FRAS1: variants seen among roughly 807,000 people sequenced by gnomAD.
The protein encoded by FRAS1 is Fraser extracellular matrix complex subunit 1, also known as extracellular matrix organizing protein FRAS1.
Under a neutral mutation model 435.2 loss-of-function variants are expected in FRAS1, and 290 were observed. The ratio of observed to expected loss-of-function variants is 0.67; its 90% CI spans 0.61 to 0.73. FRAS1 has a LOEUF of 0.73. FRAS1 is among the 30% of genes least tolerant of loss of function. The probability of loss-of-function intolerance (pLI) is 0.00; values close to 1 mark genes in which losing one functional copy is unlikely to be tolerated. For synonymous variants in FRAS1, 1,800 were observed against 1,851.0 expected (o/e 0.97, Z 0.71); for missense variants, 4,860 against 5,001.5 (o/e 0.97, Z 0.85).
chr4:78,400,652 A>G (rs966103987), intron 29 of FRAS1, 82 bp from the exon 30 acceptor site: 3 of 1,368,196 alleles, frequency 2.2e-6, no homozygotes, highest in African/African-American at 1.5e-5. Flanking sequence ...TAACAACAAC[A>G]GAACTGGATA....
intron 2 of FRAS1, among the ~76,000 whole-genome samples, chr4:78,193,707 G>T (rs1189791521): frequency 6.6e-6 from 1 of 152,058 alleles, no homozygotes; most frequent in Non-Finnish European, 1.5e-5. Flanking sequence ...CACACTGATG[G>T]GTCTTGACTC....
At chr4:78,427,887 T>A (rs2110382840) in intron 35 of FRAS1, among the ~76,000 whole-genome samples, 1 of 152,362 alleles carries the variant, frequency 6.6e-6, no homozygotes, top group Admixed American at 6.5e-5. Flanking sequence ...TTAAGCAAGA[T>A]TCTTGCTGGC....
At chr4:78,294,853 C>A (rs1728076092) in intron 14 of FRAS1, among the ~76,000 whole-genome samples, 1 of 149,202 alleles carries the variant, frequency 6.7e-6, no homozygotes, top group East Asian at 2.0e-4. Context: ...ATGTTTATTC[C>A]AAAAAAAAAT....
At chr4:78,088,768 G>A (rs1213188681) in intron 2 of FRAS1, among the ~76,000 whole-genome samples, 1 of 152,166 alleles carries the variant, frequency 6.6e-6, no homozygotes, top group Non-Finnish European at 1.5e-5. Context: ...TCATTAAAAA[G>A]TTAGGAAACC....
At chr4:78,098,505 C>T (rs1047096291) in intron 2 of FRAS1, among the ~76,000 whole-genome samples, 2 of 152,044 alleles carry the variant, frequency 1.3e-5, no homozygotes, top group East Asian at 1.9e-4. Flanking sequence ...GAGCTCCTGA[C>T]CTCAAGTTAT....
At chr4:78,152,291 C>A (rs138246142) in intron 2 of FRAS1, among the ~76,000 whole-genome samples, 1 of 152,200 alleles carries the variant, frequency 6.6e-6, no homozygotes, top group African/African-American at 2.4e-5. Flanking sequence ...TCTTAAGGCA[C>A]TTTTCCTGCC....
chr4:78,272,351 A>G (rs373407249), intron 9 of FRAS1, among the ~76,000 whole-genome samples: 3 of 152,162 alleles, frequency 2.0e-5, no homozygotes, highest in Non-Finnish European at 4.4e-5. Flanking sequence ...TTTTGTTGCC[A>G]TTGCTTTTGG....
At chr4:78,501,172 T>C (rs1258450271) in intron 61 of FRAS1, among the ~76,000 whole-genome samples, 1 of 152,102 alleles carries the variant, frequency 6.6e-6, no homozygotes, top group Non-Finnish European at 1.5e-5. Flanking sequence ...TGTGTCCAAG[T>C]GTTCTCATTG....
chr4:78,338,028 A>C, intron 20 of FRAS1: 1 of 526,100 alleles, frequency 1.9e-6, no homozygotes, highest in Non-Finnish European at 3.4e-6. Context: ...ACTCTTGCAA[A>C]TCCTGAAAAT....
chr4:78,458,010 G>A (rs1719258147), intron 47 of FRAS1, among the ~76,000 whole-genome samples: 1 of 152,172 alleles, frequency 6.6e-6, no homozygotes, highest in Non-Finnish European at 1.5e-5. Context: ...GTGTGGCTTG[G>A]ACAGATAATA....
chr4:78,392,972 G>A, intron 29 of FRAS1, among the ~76,000 whole-genome samples: 1 of 147,504 alleles, frequency 6.8e-6, no homozygotes, highest in East Asian at 2.0e-4. Flanking sequence ...AAACAAACAT[G>A]TTCATCATGA....
rs12510594 is a variant in FRAS1 at position 78,129,821 on chromosome 4, C to T, written c.108+63805C>T. Among the ~76,000 whole-genome samples the T allele has an allele frequency of 5.3e-3, 802 of 152,214 alleles. 41 individuals carry two copies. Among genetic ancestry groups the T allele is most frequent in the Admixed American group, 0.046 (696 of 15,276 alleles). ...ATTCCTTAGCTTGTTTGCCAAGACC[C>T]ATTCTAATCTAGTTTCTTCCCAACT... On this transcript the variant is annotated intron_variant, in intron 2 of 73. Coordinates refer to ENST00000512123, the MANE Select transcript of FRAS1 (RefSeq NM_025074.7).
At position 78,058,103 on chromosome 4, in the gene FRAS1, C is replaced by CGTGTGTGTGTGTGTGT; in HGVS notation, c.76+20_76+35dup. On this transcript the variant is annotated intron_variant, in intron 1 of 73. Transcript: ENST00000512123. The stretch of plus-strand genomic sequence containing the variant: ...TTCCGAAGGTGAGAGAGCGGTGCCG[C>CGTGTGTGTGTGTGTGT]GTGTGTGTGTGTGTGTGCGTGTGCG... 6.5e-7 allele frequency: 1 copy of CGTGTGTGTGTGTGTGT among 1,528,910 alleles called. No individual in the cohort carries two copies. The highest frequency in any genetic ancestry group is 1.4e-5 in the African/African-American group (1 of 72,318). 94.7% of individuals were successfully genotyped at this position (1,528,910 alleles called of 1,614,324 possible).
intron 2 of FRAS1, among the ~76,000 whole-genome samples, chr4:78,222,538 A>G (rs952841966): frequency 6.6e-6 from 1 of 152,246 alleles, no homozygotes; most frequent in Non-Finnish European, 1.5e-5. Context: ...CGATGCTAAT[A>G]AGTCCCAGCT....
At chr4:78,384,300 T>G (rs918267848) in intron 28 of FRAS1, among the ~76,000 whole-genome samples, 157 bp downstream of exon 28, 3 of 152,218 alleles carry the variant, frequency 2.0e-5, no homozygotes, top group African/African-American at 7.2e-5. Flanking sequence ...TTAGGACTTC[T>G]GGGTAATAAC....
At chr4:78,481,520 G>T (rs1172190734) in intron 56 of FRAS1, among the ~76,000 whole-genome samples, 1 of 152,126 alleles carries the variant, frequency 6.6e-6, no homozygotes, top group African/African-American at 2.4e-5. Context: ...AGTCTCCCTT[G>T]TGAAGCCACA....
At chr4:78,252,985 A>C (rs11098114) in intron 5 of FRAS1, among the ~76,000 whole-genome samples, 139,067 of 152,096 alleles carry the variant, frequency 0.91, 64,708 homozygotes, top group Non-Finnish European at 1. Context: ...GGTCTGACCA[A>C]AATTTACCGG....
chr4:78,544,103 A>T lies in FRAS1; in HGVS notation c.*2979A>T, dbSNP rs573165799. ...TATTTGTTATTCTTGGATACTACAC[A>T]CCTGCTCAGACTGAGTAAACATTTG... On this transcript the variant is annotated 3_prime_UTR_variant, in exon 74 of 74. Coordinates refer to ENST00000512123, the MANE Select transcript of FRAS1 (RefSeq NM_025074.7). The T allele has an allele frequency of 1.4e-4, 21 of 152,736 alleles. No individual in the cohort carries two copies. In the East Asian group the frequency reaches 4.0e-3, roughly 29 times the overall value. The allele number at this position is 152,736 out of a possible 1,614,324, so 9.5% of individuals were successfully genotyped here.
At chr4:78,187,318 C>G (rs1173371766) in intron 2 of FRAS1, among the ~76,000 whole-genome samples, 2 of 152,140 alleles carry the variant, frequency 1.3e-5, no homozygotes, top group Non-Finnish European at 2.9e-5. Context: ...GATGACATCA[C>G]CCCCACACCT....
Sources: gnomAD v4.1 joint callset for allele counts (sites outside exome capture counted in the v4.1 genomes callset) on GRCh38, gnomAD v4.1.1 for gene constraint, MANE v1.5 for transcripts, NCBI Gene and HGNC (gene_info 2026-07-23, HGNC 2026-07-21) for gene names.